The following MSI2 variants were observed in gnomAD, a reference collection of about 807,000 sequenced individuals.
The protein encoded by MSI2 is RNA-binding protein Musashi homolog 2.
Under a neutral mutation model 45.6 loss-of-function variants are expected in MSI2, and 17 were observed. The ratio of observed to expected loss-of-function variants is 0.37; its 90% CI spans 0.26 to 0.56. The LOEUF is 0.56. MSI2 is among the 20% of genes least tolerant of loss of function. The probability of loss-of-function intolerance (pLI) is 0.77; values close to 1 mark genes in which losing one functional copy is unlikely to be tolerated. For missense variants in MSI2, 293 were observed against 444.2 expected (o/e 0.66, Z 3.06); for synonymous variants, 156 against 158.2 (o/e 0.99, Z 0.11).
At chr17:57,511,618 A>C (rs1370520983) in intron 6 of MSI2, among the ~76,000 whole-genome samples, 8 of 147,030 alleles carry the variant, frequency 5.4e-5, no homozygotes, top group Admixed American at 5.4e-4. Context: ...GATGCAGCGT[A>C]CTAACCCCAG....
chr17:57,433,217 G>A (rs1220902217), intron 6 of MSI2, among the ~76,000 whole-genome samples: 1 of 152,160 alleles, frequency 6.6e-6, no homozygotes, highest in Non-Finnish European at 1.5e-5. Context: ...TGGGTTGAAT[G>A]GTGTTCTCTC....
Position 57,529,686 on chromosome 17 carries a change from C to T in MSI2, c.416C>T (p.Ala139Val), listed in dbSNP as rs1442463621. 2 of 1,612,680 alleles carry T rather than the reference C, an allele frequency of 1.2e-6. No homozygotes were observed. The highest frequency in any genetic ancestry group is 1.7e-6 in the Non-Finnish European group (2 of 1,179,598). ...ATATTTGTTTTGCAGGTGGAAGATG[C>T]AATGCTGATGTTTGATAAAACTACC... is the stretch of plus-strand genomic sequence containing the variant. ...YFEQFGKVED[A>V]MLMFDKTTNR... The change falls in exon 7 of 14, where the codon GCA becomes GTA. Residue 139 changes from alanine to valine, a missense_variant. By Grantham distance (64) the Ala-to-Val change is moderately conservative. Coordinates refer to ENST00000284073, the MANE Select transcript of MSI2 (RefSeq NM_138962.4). The surrounding 1 kb of genome is among the most constrained non-coding windows in gnomAD (Gnocchi z 5.3).
chr17:57,401,735 G>T (rs2083995207), intron 6 of MSI2, among the ~76,000 whole-genome samples: 1 of 152,222 alleles, frequency 6.6e-6, no homozygotes, highest in South Asian at 2.1e-4. Flanking sequence ...GCCACACGGG[G>T]CCTGGGCTGG....
chr17:57,411,495 T>C (rs561019257), intron 6 of MSI2, among the ~76,000 whole-genome samples: 3 of 152,136 alleles, frequency 2.0e-5, no homozygotes, highest in Non-Finnish European at 4.4e-5. Flanking sequence ...CCAACAGCCC[T>C]GTGAGGTAGG....
At chr17:57,508,905 C>A (rs760518289) in intron 6 of MSI2, among the ~76,000 whole-genome samples, 5 of 152,164 alleles carry the variant, frequency 3.3e-5, no homozygotes, top group Non-Finnish European at 7.3e-5. Context: ...GTTCCGGGAC[C>A]CATTCATTAG....
At chr17:57,670,484 G>A (rs1912699704) in intron 11 of MSI2, among the ~76,000 whole-genome samples, 1 of 152,192 alleles carries the variant, frequency 6.6e-6, no homozygotes, top group Non-Finnish European at 1.5e-5. Flanking sequence ...AGATCTCCAG[G>A]ATAAGATTCT....
At position 57,262,194 on chromosome 17, in the gene MSI2, T is replaced by C; in HGVS notation, c.312+2T>C. 1 of 1,613,906 alleles carries C rather than the reference T, an allele frequency of 6.2e-7. No homozygotes were observed. Among genetic ancestry groups the C allele is most frequent in the South Asian group, 1.1e-5 (1 of 91,040 alleles). ...TTTCCTCGTCGAGCGCAACCCAAGG[T>C]AAGTAGGAGAATAAACAGTAGGATT... On this transcript the variant is annotated splice_donor_variant, in intron 5 of 13. Transcript: ENST00000284073. LOFTEE classifies it high-confidence loss of function.
intron 6 of MSI2, among the ~76,000 whole-genome samples, chr17:57,496,614 G>A (rs1225891725): frequency 6.6e-6 from 1 of 152,194 alleles, no homozygotes; most frequent in East Asian, 1.9e-4. Context: ...CCACATCCCC[G>A]TGTGCTCCGG....
intron 7 of MSI2, among the ~76,000 whole-genome samples, chr17:57,574,540 G>C (rs987641862): frequency 1.3e-5 from 2 of 152,144 alleles, no homozygotes; most frequent in African/African-American, 4.8e-5. Flanking sequence ...CCATGGTTGA[G>C]CCTCTGGTGG....
intron 6 of MSI2, among the ~76,000 whole-genome samples, chr17:57,471,946 T>C (rs2143691290): frequency 6.6e-6 from 1 of 151,442 alleles, no homozygotes; most frequent in African/African-American, 2.4e-5. Flanking sequence ...CCTTTCTCAC[T>C]CAGAGGCTTC....
intron 6 of MSI2, among the ~76,000 whole-genome samples, chr17:57,433,804 T>C (rs934946297): frequency 6.6e-6 from 1 of 152,362 alleles, no homozygotes; most frequent in Middle Eastern, 3.4e-3. Context: ...TCATGCGGAT[T>C]GTGGTTGTAC....
At chr17:57,533,751 G>T (rs1449166335) in intron 7 of MSI2, among the ~76,000 whole-genome samples, 3 of 152,188 alleles carry the variant, frequency 2.0e-5, no homozygotes, top group African/African-American at 4.8e-5. Flanking sequence ...TTCTTCAGGG[G>T]TCCCCAGCTG....
intron 5 of MSI2, among the ~76,000 whole-genome samples, chr17:57,283,896 G>T (rs933187003): frequency 3.3e-5 from 5 of 152,222 alleles, no homozygotes; most frequent in African/African-American, 1.2e-4. Context: ...AAGCACTCAC[G>T]TTGTGCCCAG....
intron 10 of MSI2, among the ~76,000 whole-genome samples, chr17:57,638,581 G>A (rs1910011434): frequency 6.6e-6 from 1 of 152,178 alleles, no homozygotes; most frequent in Non-Finnish European, 1.5e-5. Flanking sequence ...ACACCATAGA[G>A]TGAGTTGCTT....
intron 7 of MSI2, among the ~76,000 whole-genome samples, chr17:57,583,689 G>T (rs2088269511): frequency 1.3e-5 from 2 of 152,044 alleles, no homozygotes; most frequent in South Asian, 4.1e-4. Context: ...CCCCAGGCTG[G>T]TCTCAAACTT....
At chr17:57,335,923 AG>A (rs1192110444) in intron 5 of MSI2, among the ~76,000 whole-genome samples, 6 of 152,208 alleles carry the variant, frequency 3.9e-5, no homozygotes, top group Non-Finnish European at 5.9e-5. Flanking sequence ...ACAGACAGGA[AG>A]ATCAGATCCT....
the MSI2 span, among the ~76,000 whole-genome samples, chr17:57,694,153 A>G: frequency 1.3e-5 from 2 of 152,186 alleles, no homozygotes; most frequent in African/African-American, 4.8e-5. Context: ...AATATTTGCT[A>G]TATACTGGTC....
chr17:57,622,247 T>TTTGCGGCACTGTC (rs11269673), intron 9 of MSI2, among the ~76,000 whole-genome samples: 3 of 151,980 alleles, frequency 2.0e-5, no homozygotes, highest in South Asian at 2.1e-4. Context: ...CCCCTCAGAC[T>TTTGCGGCACTGTC]TTGCGGCACC....
chr17:57,430,307 A>T (rs1194433719), intron 6 of MSI2, among the ~76,000 whole-genome samples: 1 of 152,182 alleles, frequency 6.6e-6, no homozygotes, highest in African/African-American at 2.4e-5. Context: ...ATTGTAATTA[A>T]TTAGTATAAA....
Sources: allele counts gnomAD v4.1 joint callset (sites outside exome capture counted in the v4.1 genomes callset), GRCh38; gene constraint gnomAD v4.1.1; non-coding constraint Gnocchi (gnomAD v3.1); transcripts MANE v1.5; gene names NCBI Gene and HGNC (gene_info 2026-07-23, HGNC 2026-07-21).